The following ADGRF1 variants were observed in gnomAD, a reference collection of about 807,000 sequenced individuals.
ADGRF1 encodes G protein-coupled receptor 110.
A neutral mutation model predicts 87.2 loss-of-function variants in ADGRF1; 85 were observed. The ratio of observed to expected loss-of-function variants is 0.97; its 90% CI spans 0.82 to 1.17. The LOEUF is 1.17. ADGRF1 is among the 50% of genes most tolerant of loss of function. The pLI is 0.00. For synonymous variants in ADGRF1, 430 were observed against 408.8 expected, an observed-to-expected ratio of 1.05 and a Z score of -0.63; for missense variants, 1,169 against 1,077.2, an observed-to-expected ratio of 1.09 and a Z score of -1.19.
intron 7 of ADGRF1, chr6:47,018,329 A>G: frequency 8.5e-7 from 1 of 1,172,252 alleles, no homozygotes; most frequent in South Asian, 1.5e-5. Context: ...TATAGATAAG[A>G]GAACTGAGGC....
chr6:47,022,035 TA>T lies in ADGRF1; in HGVS notation c.474del (p.Asn159MetfsTer9). 1 of 1,575,970 alleles carries T rather than the reference TA, an allele frequency of 6.3e-7. No individual in the cohort carries two copies. Among genetic ancestry groups the T allele is most frequent in the South Asian group, 1.2e-5 (1 of 84,940 alleles). ...ERTKIWGTFK[I>X]NERFTNDLLN... is the part of the protein sequence containing the mutation. ...AAAAGGTCATTTGTAAACCTTTCAT[TA>T]ATTTTGAAAGTGCCCCAAATCTCTG... is the stretch of plus-strand genomic sequence containing the variant. On this transcript the variant is annotated frameshift_variant, in exon 6 of 15. Transcript: ENST00000371253. LOFTEE classifies it high-confidence loss of function.
chr6:47,040,691 C>G (rs907784778), intron 1 of ADGRF1, among the ~76,000 whole-genome samples: 17 of 152,110 alleles, frequency 1.1e-4, no homozygotes, highest in African/African-American at 4.1e-4. Flanking sequence ...CCTCAGATAC[C>G]CAGTGCCCTC....
chr6:47,020,334 A>T, intron 7 of ADGRF1: 2 of 907,436 alleles, frequency 2.2e-6, no homozygotes, highest in Non-Finnish European at 3.1e-6. Flanking sequence ...CTCTACTAAA[A>T]ATACAAAAAA....
intron 1 of ADGRF1, among the ~76,000 whole-genome samples, 200 bp downstream of exon 1, chr6:47,041,991 A>T (rs1780753319): frequency 6.6e-6 from 1 of 152,166 alleles, no homozygotes; most frequent in Admixed American, 6.5e-5. Context: ...ACCTCATTAT[A>T]GTTAGTAAGC....
Position 47,025,844 on chromosome 6 carries a change from G to T in ADGRF1, c.277+10C>A. ...CCATTTATACATCCAGTCACCGAGA[G>T]CCACCTTACCTGTGGTAGCCTTTGC... On this transcript the variant is annotated intron_variant, in intron 4 of 14. Transcript: ENST00000371253. 1 of 1,570,668 alleles carries T rather than the reference G, an allele frequency of 6.4e-7. No homozygotes were observed. The highest frequency in any genetic ancestry group is 8.7e-7 in the Non-Finnish European group (1 of 1,152,438).
intron 1 of ADGRF1, among the ~76,000 whole-genome samples, chr6:47,039,864 A>G (rs998991574): frequency 2.0e-5 from 3 of 152,144 alleles, no homozygotes; most frequent in Admixed American, 6.5e-5. Flanking sequence ...CAGGAGGCTG[A>G]GACAGGAGAA....
intron 1 of ADGRF1, among the ~76,000 whole-genome samples, chr6:47,036,410 C>T (rs915781747): frequency 6.6e-6 from 1 of 152,024 alleles, no homozygotes. Context: ...TGAAATTACA[C>T]AAGAAAAAAC....
In ADGRF1 at chr6:47,025,940, T is replaced by C. The variant is rs2113899574; in HGVS notation, c.191A>G (p.Asp64Gly). 2 of 1,611,992 alleles carry C rather than the reference T, an allele frequency of 1.2e-6. No individual in the cohort carries two copies. The highest frequency in any genetic ancestry group is 3.3e-4 in the Middle Eastern group (2 of 6,056). The change falls in exon 4 of 15, where the codon GAT (aspartate) becomes GGT (glycine). Residue 64 changes from aspartate to glycine, a missense_variant. Transcript: ENST00000371253. Reference protein sequence around the residue: ...VTYRDSKEKRDLRNFLKLLKP... With the variant: ...VTYRDSKEKRGLRNFLKLLKP... ...CAAGAGCTTCAGAAAATTTCTCAAA[T>C]CTCTTTTCTCCTTGGAATCTCTATA...
intron 11 of ADGRF1, among the ~76,000 whole-genome samples, chr6:47,007,655 A>G (rs1433645095): frequency 6.6e-6 from 1 of 152,220 alleles, no homozygotes; most frequent in East Asian, 1.9e-4. Flanking sequence ...CTAAGCATCT[A>G]TGACGGCAGC....
intron 10 of ADGRF1, among the ~76,000 whole-genome samples, chr6:47,011,261 T>TGA (rs963311812): frequency 5.3e-5 from 8 of 152,244 alleles, no homozygotes; most frequent in Admixed American, 1.3e-4. Context: ...TTTAACTTAC[T>TGA]GATATTTAGT....
intron 7 of ADGRF1, chr6:47,020,322 GTC>G (rs1240825329): frequency 1.1e-6 from 1 of 931,730 alleles, no homozygotes; most frequent in Non-Finnish European, 1.5e-6. Flanking sequence ...GTGAAACCCT[GTC>G]TCTACTAAAA....
At chr6:47,020,222 G>A (rs1582165592) in intron 7 of ADGRF1, 8 of 1,256,876 alleles carry the variant, frequency 6.4e-6, no homozygotes, top group Non-Finnish European at 8.0e-6. Flanking sequence ...GGCCAGATGT[G>A]GTGGCTCATG....
At chr6:47,011,076 T>C (rs1411781187) in intron 10 of ADGRF1, among the ~76,000 whole-genome samples, 2 of 152,226 alleles carry the variant, frequency 1.3e-5, no homozygotes, top group African/African-American at 4.8e-5. Context: ...GTTCTACTTC[T>C]ACTGCCCCTA....
intron 8 of ADGRF1, among the ~76,000 whole-genome samples, chr6:47,015,461 A>G (rs1279762933): frequency 6.6e-6 from 1 of 151,888 alleles, no homozygotes; most frequent in African/African-American, 2.4e-5. Context: ...CCCAGGCTGG[A>G]GTGCAGTGGT....
chr6:47,006,894 A>G (rs2113877846), intron 12 of ADGRF1, among the ~76,000 whole-genome samples: 1 of 152,360 alleles, frequency 6.6e-6, no homozygotes, highest in African/African-American at 2.4e-5. Flanking sequence ...AGCATATTCT[A>G]AATAAATGGG....
chr6:47,020,145 C>T (rs986837934), intron 7 of ADGRF1: 148 of 1,089,254 alleles, frequency 1.4e-4, no homozygotes, highest in Non-Finnish European at 1.6e-4. Flanking sequence ...TGCCCTACTG[C>T]TATTGTTTTG....
chr6:47,026,446 C>T (rs1780238168), intron 3 of ADGRF1, among the ~76,000 whole-genome samples: 1 of 152,018 alleles, frequency 6.6e-6, no homozygotes, highest in African/African-American at 2.4e-5. Flanking sequence ...ACAAAGAGCC[C>T]TTTCTTCTCC....
At chr6:47,019,912 C>T in intron 7 of ADGRF1, 1 of 985,312 alleles carries the variant, frequency 1.0e-6, no homozygotes, top group Non-Finnish European at 1.2e-6. Context: ...TCTTTATTTG[C>T]TGTAAACAAT....
intron 9 of ADGRF1, chr6:47,014,208 C>T (rs189811085): frequency 4.4e-4 from 435 of 979,550 alleles, no homozygotes; most frequent in Non-Finnish European, 4.4e-4. Context: ...CCAGATGCCC[C>T]TTAAGGTCCA....
Sources: gnomAD v4.1 joint callset for allele counts (sites outside exome capture counted in the v4.1 genomes callset) on GRCh38, gnomAD v4.1.1 for gene constraint, MANE v1.5 for transcripts, NCBI Gene and HGNC (gene_info 2026-07-23, HGNC 2026-07-21) for gene names.